NRDC: variants seen among roughly 807,000 people sequenced by gnomAD.
NRDC encodes the protein nardilysin.
NRDC carries 54 observed loss-of-function variants against 147.1 expected under a neutral mutation model. The observed-to-expected ratio is 0.37, with a 90% CI of 0.29 to 0.46. The LOEUF (loss-of-function observed/expected upper bound fraction) is 0.46, where lower values mean the gene tolerates loss of function less well. Among genes scored for constraint, NRDC ranks in the 20% least tolerant of loss-of-function variants. The probability of loss-of-function intolerance (pLI) is 1.00; values close to 1 mark genes in which losing one functional copy is unlikely to be tolerated. For synonymous variants in NRDC, 440 were observed against 482.1 expected, an observed-to-expected ratio of 0.91 and a Z score of 1.14; for missense variants, 1,082 against 1,370.6, an observed-to-expected ratio of 0.79 and a Z score of 3.33.
chr1:51,862,220 A>C (rs761332645), intron 1 of NRDC: 2 of 152,092 alleles, frequency 1.3e-5, no homozygotes, highest in African/African-American at 2.4e-5. Flanking sequence ...GAATTAGTAA[A>C]AAATACATAT....
At chr1:51,797,761 C>T (rs1257396962) in intron 22 of NRDC, among the ~76,000 whole-genome samples, 1 of 152,084 alleles carries the variant, frequency 6.6e-6, no homozygotes, top group African/African-American at 2.4e-5. Context: ...CTATTTTTCT[C>T]TCTCTCTTTC....
chr1:51,818,191 C>T, intron 9 of NRDC, 56 bp from the exon 10 acceptor site: 2 of 1,135,156 alleles, frequency 1.8e-6, no homozygotes, highest in Admixed American at 2.4e-5. Flanking sequence ...ATGACTTTTA[C>T]TACAAGAATG....
At chr1:51,842,832 G>A (rs976084782) in intron 1 of NRDC, among the ~76,000 whole-genome samples, 2 of 152,006 alleles carry the variant, frequency 1.3e-5, no homozygotes, top group African/African-American at 2.4e-5. Flanking sequence ...TTGGGAAGCC[G>A]AGGCAGGTAG....
At chr1:51,845,262 G>A (rs971637573) in intron 1 of NRDC, among the ~76,000 whole-genome samples, 1 of 152,112 alleles carries the variant, frequency 6.6e-6, no homozygotes, top group Admixed American at 6.6e-5. Context: ...TAAAGTATGT[G>A]CCCGACTGCT....
intron 1 of NRDC, chr1:51,862,402 A>G (rs552925149): frequency 6.6e-6 from 1 of 152,046 alleles, no homozygotes; most frequent in East Asian, 1.9e-4. Flanking sequence ...CCTGGGTGAC[A>G]CAGTGAGATC....
chr1:51,874,805 G>A (rs1683246088), intron 1 of NRDC, among the ~76,000 whole-genome samples: 1 of 151,994 alleles, frequency 6.6e-6, no homozygotes, highest in Non-Finnish European at 1.5e-5. Context: ...TAGGTGTCCT[G>A]GAAATATGCC....
chr1:51,865,756 A>G (rs2124102363), intron 1 of NRDC, among the ~76,000 whole-genome samples: 1 of 152,250 alleles, frequency 6.6e-6, no homozygotes, highest in Admixed American at 6.5e-5. Context: ...ATTTTTTTTA[A>G]AACCTAACAA....
In NRDC at chr1:51,825,297, T is replaced by A; in HGVS notation, c.1026A>T (p.Lys342Asn). 20 of 1,599,058 alleles carry A rather than the reference T, an allele frequency of 1.3e-5. No individual in the cohort carries two copies. Among genetic ancestry groups the A allele is most frequent in the Non-Finnish European group, 1.7e-5 (20 of 1,174,764 alleles). The change falls in exon 6 of 31, where the codon AAA becomes AAT. Residue 342 changes from lysine (K) to asparagine (N), a missense_variant. By Grantham distance (94) the Lys-to-Asn change is moderately conservative. Around this residue, in one of 3 missense-constraint regions of NRDC, gnomAD observed 635 missense variants for 923.8 expected, o/e 0.69. Transcript: ENST00000352171. ...SLARPGHPMG[K>N]FFWGNAETLK... ...TATTTAGTATCTTACCCCAAAAAAA[T>A]TTTCCCATAGGATGTCCAGGTCTAG...
At chr1:51,845,443 T>C (rs67932664) in intron 1 of NRDC, among the ~76,000 whole-genome samples, 38,723 of 151,940 alleles carry the variant, frequency 0.25, 5,911 homozygotes, top group Non-Finnish European at 0.34. Context: ...AGAATACAAA[T>C]ATTAGCTTGT....
rs542722472 is a variant in NRDC, at chr1:51,802,689, C to T, written c.2313+1125G>A. ...TCTCCTTCTGAGACCAATCTTTGTT[C>T]CATGGGGAGATGGAGAAGGGAAAAG... On this transcript the variant is annotated intron_variant, in intron 20 of 30. Transcript: ENST00000352171. Among the ~76,000 whole-genome samples the T allele has an allele frequency of 1.0e-3, 159 of 152,214 alleles. 1 individual carries two copies. Among genetic ancestry groups the T allele is most frequent in the Middle Eastern group, 3.4e-3 (1 of 294 alleles).
chr1:51,848,496 T>C (rs1281215849), intron 1 of NRDC, among the ~76,000 whole-genome samples: 1 of 151,784 alleles, frequency 6.6e-6, no homozygotes, highest in Non-Finnish European at 1.5e-5. Context: ...ATAATAATAA[T>C]AATAATAAGG....
In NRDC at chr1:51,878,717, G is replaced by T. The variant is rs984777490; in HGVS notation, c.-102C>A. 1.9e-6 allele frequency: 2 copies of T among 1,052,912 alleles called. No individual in the cohort carries two copies. Among genetic ancestry groups the T allele is most frequent in the Admixed American group, 4.4e-5 (2 of 45,796 alleles). 65.2% of individuals were successfully genotyped at this position (1,052,912 alleles called of 1,614,324 possible). A position where few individuals can be genotyped will look rare whatever the true frequency, so the allele number is the denominator to read the frequency against. Reference sequence around the variant, plus strand: ...GGCCCTGGTGCTGCCGCAGCCGCGGGGAACAGGCCTGAACCCCTCCCCCAA... The same window carrying T: ...GGCCCTGGTGCTGCCGCAGCCGCGGTGAACAGGCCTGAACCCCTCCCCCAA... On this transcript the variant is annotated 5_prime_UTR_variant, in exon 1 of 31. Coordinates refer to ENST00000352171, the MANE Select transcript of NRDC (RefSeq NM_001101662.2).
At position 51,831,162 on chromosome 1, in the gene NRDC, T is replaced by C. The variant is rs184273176; in HGVS notation, c.866+2855A>G. Among the ~76,000 whole-genome samples, 308 of 152,320 alleles carry C rather than the reference T, an allele frequency of 2.0e-3. 1 individual carries two copies. Among genetic ancestry groups the C allele is most frequent in the African/African-American group, 7.3e-3 (302 of 41,574 alleles). On this transcript the variant is annotated intron_variant, in intron 4 of 30. Transcript: ENST00000352171. The stretch of plus-strand genomic sequence containing the variant: ...ATATTCTTAGATGCTGAAGCAGTCC[T>C]TGTACAAAACATATTTAGAACAACT...
At chr1:51,816,437 T>C (rs752673969) in intron 10 of NRDC, 48 bp from the exon 11 acceptor site, 1 of 1,091,154 alleles carries the variant, frequency 9.2e-7, no homozygotes. Flanking sequence ...AAGGTATAAA[T>C]ACACCAGAAA....
chr1:51,811,459 T>G (rs775632096), intron 15 of NRDC, among the ~76,000 whole-genome samples: 1 of 152,172 alleles, frequency 6.6e-6, no homozygotes, highest in Non-Finnish European at 1.5e-5. Flanking sequence ...AAAAGTCACC[T>G]CTGGTTGACG....
rs1171342009 is a variant in NRDC, at chr1:51,790,594, A to G, written c.3107T>C (p.Val1036Ala). The G allele has an allele frequency of 3.1e-5, 50 of 1,613,566 alleles. No homozygotes were observed. Among genetic ancestry groups the G allele is most frequent in the Non-Finnish European group, 4.2e-5 (49 of 1,179,898 alleles). The change falls in exon 29 of 31, where the codon GTG becomes GCG. Residue 1036 changes from valine to alanine, a missense_variant. Around this residue, in one of 3 missense-constraint regions of NRDC, gnomAD observed 187 missense variants for 193.6 expected, o/e 0.97. Transcript: ENST00000352171. The part of the protein sequence containing the change: ...ECEDTHLGEE[V>A]DRNWNEVVTQ... ...AACCACTTCATTCCAGTTCCTATCC[A>G]CCTCCTCCCCAAGGTGGGTATCCTC...
At chr1:51,861,847 C>T (rs913984826) in intron 1 of NRDC, among the ~76,000 whole-genome samples, 2 of 152,144 alleles carry the variant, frequency 1.3e-5, no homozygotes, top group African/African-American at 4.8e-5. Flanking sequence ...GCCACACACA[C>T]GCACACATTT....
intron 15 of NRDC, among the ~76,000 whole-genome samples, chr1:51,811,418 TC>T (rs1275173613): frequency 1.3e-5 from 2 of 152,074 alleles, no homozygotes; most frequent in African/African-American, 2.4e-5. Flanking sequence ...CCAAAATGTC[TC>T]CGGACAGTGA....
At position 51,791,638 on chromosome 1, in the gene NRDC, C is replaced by T; in HGVS notation, c.2900G>A (p.Arg967Lys). The T allele has an allele frequency of 6.2e-7, 1 of 1,613,848 alleles. No homozygotes were observed. The highest frequency in any genetic ancestry group is 8.5e-7 in the Non-Finnish European group (1 of 1,179,796). ...AAATCCTAGAATCCCGGATGTGTTC[C>T]TACAGGTAGGGTAGACATGGTACCT... ...TLGYHVYPTC[R>K]NTSGILGFSV... The change falls in exon 27 of 31, where the codon AGG (arginine) becomes AAG (lysine). Residue 967 changes from arginine to lysine, a missense_variant. Arg to Lys is a conservative substitution (Grantham distance 26). This residue lies in a region of NRDC where 635 missense variants were observed against 923.8 expected (regional missense o/e 0.69). Coordinates refer to ENST00000352171, the MANE Select transcript of NRDC (RefSeq NM_001101662.2).
Sources: gnomAD v4.1 joint callset for allele counts (sites outside exome capture counted in the v4.1 genomes callset) on GRCh38, gnomAD v4.1.1 for gene constraint, gnomAD v4.1.1 regional missense constraint, MANE v1.5 for transcripts, NCBI Gene and HGNC (gene_info 2026-07-23, HGNC 2026-07-21) for gene names.